RAB38: variants seen among roughly 807,000 people sequenced by gnomAD.
The protein encoded by RAB38 is RAB38, member RAS oncogene family.
RAB38 carries 15 observed loss-of-function variants against 18.4 expected under a neutral mutation model. The ratio of observed to expected loss-of-function variants is 0.82; its 90% CI spans 0.55 to 1.26. The LOEUF (loss-of-function observed/expected upper bound fraction) is 1.26, where lower values mean the gene tolerates loss of function less well. Among genes scored for constraint, RAB38 ranks in the 50% most tolerant of loss-of-function variants. RAB38 has a pLI of 0.00. For synonymous variants in RAB38, 101 were observed against 104.4 expected (o/e 0.97, Z 0.20); for missense variants, 294 against 267.4 (o/e 1.10, Z -0.69).
At chr11:87,926,450 G>C in the RAB38 span, among the ~76,000 whole-genome samples, 68 of 152,054 alleles carry the variant, frequency 4.5e-4, no homozygotes, top group Admixed American at 1.8e-3. Context: ...TCTGTAAAAT[G>C]AGAACACTGA....
chr11:88,036,982 T>G, the RAB38 span, among the ~76,000 whole-genome samples: 2 of 152,084 alleles, frequency 1.3e-5, no homozygotes, highest in South Asian at 4.1e-4. Flanking sequence ...CAAGCTTAGT[T>G]ATCAATATTA....
At chr11:87,951,271 A>T in the RAB38 span, among the ~76,000 whole-genome samples, 2 of 151,704 alleles carry the variant, frequency 1.3e-5, no homozygotes, top group African/African-American at 4.8e-5. Context: ...TGCATTGGTT[A>T]TTCTAGTTGT....
At chr11:87,843,132 G>A in the RAB38 span, among the ~76,000 whole-genome samples, 1 of 152,130 alleles carries the variant, frequency 6.6e-6, no homozygotes, top group African/African-American at 2.4e-5. Context: ...AGAGGTGGGC[G>A]CACAAACCAT....
chr11:87,941,899 GAAA>G, the RAB38 span, among the ~76,000 whole-genome samples: 32 of 152,232 alleles, frequency 2.1e-4, no homozygotes, highest in African/African-American at 7.0e-4. Flanking sequence ...CCTGTCAGCA[GAAA>G]GAAGCTCTCC....
the RAB38 span, among the ~76,000 whole-genome samples, chr11:87,912,762 C>CTTTTTT: frequency 5.9e-4 from 51 of 86,512 alleles, no homozygotes; most frequent in South Asian, 1.6e-3. Context: ...AATTTTCTTT[C>CTTTTTT]TTTCTTTTTT....
chr11:88,036,085 G>A, the RAB38 span, among the ~76,000 whole-genome samples: 2 of 152,014 alleles, frequency 1.3e-5, no homozygotes, highest in Non-Finnish European at 2.9e-5. Flanking sequence ...ATAGCTAGAA[G>A]CAAGATTATG....
chr11:88,052,941 T>TC, the RAB38 span, among the ~76,000 whole-genome samples: 2 of 120,474 alleles, frequency 1.7e-5, no homozygotes, highest in African/African-American at 6.4e-5. Context: ...TATATATATA[T>TC]ATAAATTATA....
chr11:88,037,092 T>C, the RAB38 span, among the ~76,000 whole-genome samples: 1 of 152,090 alleles, frequency 6.6e-6, no homozygotes, highest in African/African-American at 2.4e-5. Flanking sequence ...CATAATCATC[T>C]AGTTTGAGTG....
chr11:87,968,895 G>A, the RAB38 span, among the ~76,000 whole-genome samples: 1 of 152,076 alleles, frequency 6.6e-6, no homozygotes, highest in Non-Finnish European at 1.5e-5. Context: ...TGGAGATTCA[G>A]AACAGTAGGA....
At chr11:88,131,864 C>A (rs1346331638) in intron 2 of RAB38, among the ~76,000 whole-genome samples, 1 of 152,184 alleles carries the variant, frequency 6.6e-6, no homozygotes, top group Non-Finnish European at 1.5e-5. Flanking sequence ...GAGAGAAATT[C>A]TCTTTCTAAC....
chr11:88,125,296 C>T (rs1942681913), intron 2 of RAB38, among the ~76,000 whole-genome samples: 10 of 152,132 alleles, frequency 6.6e-5, no homozygotes. Context: ...TACTAGATTC[C>T]AACCGAACTA....
chr11:88,033,173 A>T, the RAB38 span, among the ~76,000 whole-genome samples: 1 of 152,036 alleles, frequency 6.6e-6, no homozygotes. Context: ...TGGGAACTGA[A>T]CAATGAGAAC....
At chr11:88,173,921 C>T in intron 1 of RAB38, 1 of 985,384 alleles carries the variant, frequency 1.0e-6, no homozygotes, top group South Asian at 4.7e-5. Flanking sequence ...AAAAATTTTC[C>T]ACATTTGTTC....
chr11:87,850,948 A>G, the RAB38 span, among the ~76,000 whole-genome samples: 1 of 152,162 alleles, frequency 6.6e-6, no homozygotes, highest in Non-Finnish European at 1.5e-5. Flanking sequence ...CAGTATTGTA[A>G]AATTCCAACA....
the RAB38 span, among the ~76,000 whole-genome samples, chr11:88,108,178 T>C: frequency 6.6e-6 from 1 of 152,132 alleles, no homozygotes; most frequent in African/African-American, 2.4e-5. Flanking sequence ...ATATCCTTGT[T>C]AATTTTCTGT....
chr11:88,146,091 A>G (rs557148812), intron 2 of RAB38, among the ~76,000 whole-genome samples: 1 of 152,320 alleles, frequency 6.6e-6, no homozygotes, highest in African/African-American at 2.4e-5. Context: ...TTCTCTCTTA[A>G]TTCACTTGCC....
chr11:88,125,308 A>G (rs1210130576), intron 2 of RAB38, among the ~76,000 whole-genome samples: 1 of 152,170 alleles, frequency 6.6e-6, no homozygotes, highest in Non-Finnish European at 1.5e-5. Flanking sequence ...ACCGAACTAG[A>G]CCATAAACCC....
At chr11:88,156,447 T>C (rs1014027001) in intron 1 of RAB38, among the ~76,000 whole-genome samples, 7 of 152,222 alleles carry the variant, frequency 4.6e-5, no homozygotes, top group African/African-American at 1.7e-4. Flanking sequence ...CTCATGCCTG[T>C]AACCCCAGCA....
the RAB38 span, among the ~76,000 whole-genome samples, chr11:87,845,046 G>A: frequency 2.1e-4 from 32 of 152,222 alleles, no homozygotes; most frequent in Admixed American, 1.7e-3. Flanking sequence ...ATAATTTAGA[G>A]AACTGAACTG....
Sources: allele counts gnomAD v4.1 joint callset (sites outside exome capture counted in the v4.1 genomes callset), GRCh38; gene constraint gnomAD v4.1.1; transcripts MANE v1.5; gene names NCBI Gene and HGNC (gene_info 2026-07-23, HGNC 2026-07-21).